CSGALNACT1: variants seen among roughly 807,000 people sequenced by gnomAD.
CSGALNACT1 encodes chondroitin sulfate N-acetylgalactosaminyltransferase 1.
Under a neutral mutation model 51.0 loss-of-function variants are expected in CSGALNACT1, and 52 were observed. That is an observed-to-expected ratio of 1.02 (90% confidence interval 0.82 to 1.29). The LOEUF is 1.29. Ranked by LOEUF, CSGALNACT1 falls within the 50% of genes most tolerant of loss-of-function variation. The pLI is 0.00. For synonymous variants in CSGALNACT1, 341 were observed against 254.4 expected, an observed-to-expected ratio of 1.34 and a Z score of -3.24; for missense variants, 935 against 679.2, an observed-to-expected ratio of 1.38 and a Z score of -4.19.
At chr8:19,659,030 CTT>C (rs746404128) in intron 1 of CSGALNACT1, among the ~76,000 whole-genome samples, 5 of 152,126 alleles carry the variant, frequency 3.3e-5, no homozygotes, top group African/African-American at 4.8e-5. Context: ...AATGAAATCT[CTT>C]GTTAAATTCT....
At chr8:19,652,695 C>G (rs945873740) in intron 1 of CSGALNACT1, among the ~76,000 whole-genome samples, 3 of 152,298 alleles carry the variant, frequency 2.0e-5, no homozygotes, top group African/African-American at 7.2e-5. Context: ...CTGTGCTTTC[C>G]CCACCTCCTG....
chr8:19,486,933 A>G (rs1016006010), intron 4 of CSGALNACT1, among the ~76,000 whole-genome samples: 4 of 152,192 alleles, frequency 2.6e-5, no homozygotes, highest in African/African-American at 9.7e-5. Context: ...AAGGTAACCA[A>G]AAAGGCTGCC....
intron 1 of CSGALNACT1, among the ~76,000 whole-genome samples, chr8:19,616,596 T>A (rs552495651): frequency 6.6e-6 from 1 of 152,222 alleles, no homozygotes; most frequent in East Asian, 1.9e-4. Context: ...TGGGGGCAGA[T>A]TTGCTATGAA....
At chr8:19,587,744 G>A (rs558353016) in intron 3 of CSGALNACT1, 12 of 152,222 alleles carry the variant, frequency 7.9e-5, no homozygotes, top group East Asian at 3.9e-4. Context: ...TCCAACCTAC[G>A]GGGCCTGGAA....
intron 1 of CSGALNACT1, among the ~76,000 whole-genome samples, chr8:19,722,203 G>T (rs765118463): frequency 1.4e-4 from 21 of 152,040 alleles, no homozygotes; most frequent in Non-Finnish European, 2.9e-4. Flanking sequence ...AGAAATTGGC[G>T]CTTGAGACCG....
chr8:19,720,299 C>G (rs527677450), intron 1 of CSGALNACT1, among the ~76,000 whole-genome samples: 1 of 152,130 alleles, frequency 6.6e-6, no homozygotes, highest in African/African-American at 2.4e-5. Flanking sequence ...ATAAATAAGA[C>G]GCGATCCCAG....
chr8:19,514,958 TC>T (rs1177181425), intron 3 of CSGALNACT1, among the ~76,000 whole-genome samples: 1 of 152,198 alleles, frequency 6.6e-6, no homozygotes, highest in Non-Finnish European at 1.5e-5. Flanking sequence ...TGATGGACCA[TC>T]CTGGAGCCCA....
chr8:19,470,495 G>A (rs1322601827), intron 4 of CSGALNACT1, among the ~76,000 whole-genome samples: 1 of 152,146 alleles, frequency 6.6e-6, no homozygotes, highest in Non-Finnish European at 1.5e-5. Flanking sequence ...AGGCAACAGA[G>A]GAAACAAGAC....
chr8:19,522,462 A>G (rs1243896589), intron 3 of CSGALNACT1, among the ~76,000 whole-genome samples: 4 of 152,244 alleles, frequency 2.6e-5, no homozygotes, highest in African/African-American at 7.2e-5. Context: ...CTAAAATGCC[A>G]TTTAAACTAA....
At chr8:19,653,510 G>A (rs781127644) in intron 1 of CSGALNACT1, among the ~76,000 whole-genome samples, 76 of 152,248 alleles carry the variant, frequency 5.0e-4, no homozygotes, top group Non-Finnish European at 9.7e-4. Flanking sequence ...ATCTTCAGCT[G>A]CGGCCAGGTG....
intron 1 of CSGALNACT1, among the ~76,000 whole-genome samples, chr8:19,632,587 T>C (rs1027636177): frequency 6.6e-6 from 1 of 152,242 alleles, no homozygotes; most frequent in Non-Finnish European, 1.5e-5. Flanking sequence ...CCCGCAGCTA[T>C]CTACAGCGAT....
chr8:19,583,382 T>C (rs2045986563), intron 3 of CSGALNACT1, among the ~76,000 whole-genome samples: 2 of 152,186 alleles, frequency 1.3e-5, no homozygotes, highest in Admixed American at 1.3e-4. Context: ...GTAGGACAGG[T>C]CTAAGGGTAA....
chr8:19,666,729 C>T (rs1183757753), intron 1 of CSGALNACT1, among the ~76,000 whole-genome samples: 1 of 129,242 alleles, frequency 7.7e-6, no homozygotes, highest in African/African-American at 3.0e-5. Context: ...CAAAGAAAGA[C>T]AAGAAAGAAA....
intron 1 of CSGALNACT1, among the ~76,000 whole-genome samples, chr8:19,628,152 A>G (rs369342189): frequency 1.3e-5 from 2 of 152,342 alleles, no homozygotes; most frequent in Middle Eastern, 3.4e-3. Context: ...CTGTTGTATT[A>G]GTCAGTTCTC....
chr8:19,441,676 A>C (rs940504390), intron 5 of CSGALNACT1, among the ~76,000 whole-genome samples: 16 of 152,230 alleles, frequency 1.1e-4, no homozygotes. Flanking sequence ...CTTCATGTCT[A>C]AAACACCAAA....
In CSGALNACT1 at chr8:19,506,147, A is replaced by C; in HGVS notation, c.-296-17T>G. The C allele has an allele frequency of 8.9e-6, 5 of 563,702 alleles. No homozygotes were observed. The highest frequency in any genetic ancestry group is 4.1e-5 in the East Asian group (1 of 24,206). The allele number at this position is 563,702 out of a possible 1,614,324, so 34.9% of individuals were successfully genotyped here. On this transcript the variant is annotated splice_polypyrimidine_tract_variant and intron_variant, in intron 3 of 9. Transcript: ENST00000454498. ...AGAGGGGACCTGGGAAGAAACACAA[A>C]TGACATCAACACTTAATCAAGACAA...
At chr8:19,730,928 T>C (rs2063656530) in intron 1 of CSGALNACT1, among the ~76,000 whole-genome samples, 1 of 152,128 alleles carries the variant, frequency 6.6e-6, no homozygotes, top group Non-Finnish European at 1.5e-5. Flanking sequence ...CCTGCATTCT[T>C]CATGCCACGA....
intron 1 of CSGALNACT1, among the ~76,000 whole-genome samples, chr8:19,631,631 T>C (rs552523051): frequency 2.6e-5 from 4 of 152,308 alleles, no homozygotes; most frequent in African/African-American, 4.8e-5. Context: ...TACTTTGCAA[T>C]TGAAAAAGCC....
intron 1 of CSGALNACT1, among the ~76,000 whole-genome samples, chr8:19,754,747 T>A (rs2065250565): frequency 6.6e-6 from 1 of 152,216 alleles, no homozygotes; most frequent in African/African-American, 2.4e-5. Context: ...GTTAAATTTC[T>A]TTGCTACCTT....
Sources: gnomAD v4.1 joint callset for allele counts (sites outside exome capture counted in the v4.1 genomes callset) on GRCh38, gnomAD v4.1.1 for gene constraint, MANE v1.5 for transcripts, NCBI Gene and HGNC (gene_info 2026-07-23, HGNC 2026-07-21) for gene names.